The following KAZN variants were observed in gnomAD, a reference collection of about 807,000 sequenced individuals.
KAZN encodes kazrin, periplakin interacting protein.
KAZN carries 40 observed loss-of-function variants against 87.4 expected under a neutral mutation model. The ratio of observed to expected loss-of-function variants is 0.46; its 90% CI spans 0.36 to 0.60. The LOEUF (loss-of-function observed/expected upper bound fraction) is 0.60, where lower values mean the gene tolerates loss of function less well. Ranked by LOEUF, KAZN falls within the 20% of genes least tolerant of loss-of-function variation. KAZN has a pLI of 0.00. For missense variants in KAZN, 898 were observed against 1,073.9 expected (o/e 0.84, Z 2.29); for synonymous variants, 466 against 458.3 (o/e 1.02, Z -0.22).
In KAZN at chr1:14,527,998, CCTATCTATCTAT is replaced by C. The variant is rs200376042; in HGVS notation, c.250-70944_250-70933del. 5.2e-3 allele frequency among the ~76,000 whole-genome samples: 760 copies of C among 145,284 alleles called. 2 individuals are homozygous for C. The highest frequency in any genetic ancestry group is 0.012 in the African/African-American group (476 of 38,966). On this transcript the variant is annotated intron_variant, in intron 2 of 16. Coordinates refer to the KAZN transcript ENST00000636203. ...GGAATAGTAGTGTCTGGTCTAGAAT[CCTATCTATCTAT>C]CTATCTATCTATCTATCTATCTATC...
intron 2 of KAZN, among the ~76,000 whole-genome samples, chr1:14,308,546 T>A (rs2100803744): frequency 6.6e-6 from 1 of 152,326 alleles, no homozygotes; most frequent in East Asian, 1.9e-4. Context: ...AAATTAAAAA[T>A]TGCAAAATGT....
At chr1:14,717,964 C>T (rs1421984518) in intron 1 of KAZN, among the ~76,000 whole-genome samples, 2 of 152,208 alleles carry the variant, frequency 1.3e-5, no homozygotes, top group Non-Finnish European at 2.9e-5. Context: ...ACAAGGAGAA[C>T]AGAACCTGGT....
At chr1:14,031,158 C>T (rs1401464864) in intron 1 of KAZN, among the ~76,000 whole-genome samples, 1 of 152,136 alleles carries the variant, frequency 6.6e-6, no homozygotes, top group East Asian at 1.9e-4. Context: ...AAGCTAGTTG[C>T]AATTAACAGG....
intron 1 of KAZN, among the ~76,000 whole-genome samples, chr1:14,049,589 T>C (rs927191386): frequency 6.6e-6 from 1 of 152,182 alleles, no homozygotes; most frequent in Non-Finnish European, 1.5e-5. Flanking sequence ...TCTGCCCCAG[T>C]CTTCAACTTC....
At chr1:14,438,990 A>G (rs903702480) in intron 2 of KAZN, among the ~76,000 whole-genome samples, 1 of 152,166 alleles carries the variant, frequency 6.6e-6, no homozygotes, top group African/African-American at 2.4e-5. Context: ...TTGCGTCTCC[A>G]TTCTAACAAC....
At chr1:14,898,824 T>G (rs1192168167) in intron 1 of KAZN, among the ~76,000 whole-genome samples, 1 of 152,176 alleles carries the variant, frequency 6.6e-6, no homozygotes, top group African/African-American at 2.4e-5. Flanking sequence ...GCACACTCTG[T>G]AGCTACTGGT....
At chr1:14,698,319 G>A (rs1034342597) in intron 1 of KAZN, among the ~76,000 whole-genome samples, 3 of 152,152 alleles carry the variant, frequency 2.0e-5, no homozygotes, top group Non-Finnish European at 4.4e-5. Context: ...CAGGGGTGGA[G>A]ACCCAGGTGG....
intron 1 of KAZN, among the ~76,000 whole-genome samples, chr1:14,805,480 C>T (rs183813102): frequency 4.6e-5 from 7 of 152,162 alleles, no homozygotes; most frequent in Admixed American, 2.0e-4. Context: ...GTTACTAGGC[C>T]GGGTGCGGTG....
At chr1:14,157,232 T>C (rs955753384) in intron 1 of KAZN, among the ~76,000 whole-genome samples, 3 of 152,114 alleles carry the variant, frequency 2.0e-5, no homozygotes, top group African/African-American at 7.2e-5. Flanking sequence ...TTATTTTTGA[T>C]TGTTTCATTA....
chr1:15,046,033 C>T (rs1010461815), intron 4 of KAZN, among the ~76,000 whole-genome samples: 2 of 152,220 alleles, frequency 1.3e-5, no homozygotes, highest in African/African-American at 4.8e-5. Flanking sequence ...CGTGGTGGCT[C>T]ATGCCTGTAA....
At chr1:14,532,455 TTTA>T (rs58279675) in intron 2 of KAZN, among the ~76,000 whole-genome samples, 70,079 of 148,014 alleles carry the variant, frequency 0.47, 16,606 homozygotes, top group East Asian at 0.62. Context: ...AACATGTGTT[TTTA>T]TTATTATTAT....
chr1:14,733,751 TTGC>T (rs1356186608), intron 1 of KAZN, among the ~76,000 whole-genome samples: 1 of 152,194 alleles, frequency 6.6e-6, no homozygotes, highest in African/African-American at 2.4e-5. Context: ...TGCCTTAACC[TTGC>T]TAAGGCACAG....
At position 14,841,292 on chromosome 1, in the gene KAZN, C is replaced by A. The variant is rs548809416; in HGVS notation, c.227-119392C>A. On this transcript the variant is annotated intron_variant, in intron 1 of 14. Coordinates refer to ENST00000376030, the MANE Select transcript of KAZN (RefSeq NM_201628.3). ...TGGTGGTGGGTGCCTATGGTCCCAG[C>A]TACTCGGAGAGGCTGAGGCAGGAGA... Among the ~76,000 whole-genome samples the A allele has an allele frequency of 9.2e-5, 14 of 151,714 alleles. 1 individual carries two copies. Among genetic ancestry groups the A allele is most frequent in the African/African-American group, 2.9e-4 (12 of 41,326 alleles).
At position 14,180,369 on chromosome 1, in the gene KAZN, G is replaced by A. The variant is rs527950005; in HGVS notation, c.92-66G>A. 102 of 1,420,998 alleles carry A rather than the reference G, an allele frequency of 7.2e-5. No homozygotes were observed. The African/African-American group carries it at 1.3e-3, about 18-fold the overall frequency. The allele number at this position is 1,420,998 out of a possible 1,614,324, so 88.0% of individuals were successfully genotyped here. On this transcript the variant is annotated intron_variant, in intron 1 of 16. Transcript: ENST00000636203. ...CACCCTTACTTTTCTCTTCAAAATGGCTAGTCAATTTCTCTTTGAAAGTTA... is the reference window on the plus strand; with the variant it reads ...CACCCTTACTTTTCTCTTCAAAATGACTAGTCAATTTCTCTTTGAAAGTTA...
At chr1:13,899,162 C>T (rs1039073378) in intron 1 of KAZN, among the ~76,000 whole-genome samples, 27 of 152,328 alleles carry the variant, frequency 1.8e-4, no homozygotes, top group African/African-American at 6.0e-4. Flanking sequence ...GAAAAAGATT[C>T]GCCATGGCGA....
At chr1:14,898,197 C>G (rs575046219) in intron 1 of KAZN, among the ~76,000 whole-genome samples, 1 of 152,260 alleles carries the variant, frequency 6.6e-6, no homozygotes, top group African/African-American at 2.4e-5. Context: ...CACGCACATT[C>G]CATTATGCCA....
intron 2 of KAZN, among the ~76,000 whole-genome samples, chr1:14,372,349 T>C (rs1156352711): frequency 2.0e-5 from 3 of 152,212 alleles, no homozygotes; most frequent in East Asian, 1.9e-4. Context: ...CTTTGAGTCA[T>C]TGGAAGTTGG....
chr1:14,523,790 G>A (rs1295242863), intron 2 of KAZN, among the ~76,000 whole-genome samples: 2 of 152,186 alleles, frequency 1.3e-5, no homozygotes, highest in Non-Finnish European at 2.9e-5. Context: ...GTGGTCCTGG[G>A]GCTGCACAGA....
chr1:14,045,929 T>C (rs542797416), intron 1 of KAZN, among the ~76,000 whole-genome samples: 1 of 152,304 alleles, frequency 6.6e-6, no homozygotes, highest in South Asian at 2.1e-4. Flanking sequence ...CACAAATAAG[T>C]GTGATATATA....
Sources: allele counts gnomAD v4.1 joint callset (sites outside exome capture counted in the v4.1 genomes callset), GRCh38; gene constraint gnomAD v4.1.1; transcripts MANE v1.5; gene names NCBI Gene and HGNC (gene_info 2026-07-23, HGNC 2026-07-21).